The following MAML2 variants were observed in gnomAD, a reference collection of about 807,000 sequenced individuals.
The protein encoded by MAML2 is mastermind-like protein 2.
In MAML2, 22 loss-of-function variants were observed where a neutral mutation model predicts 96.1. The observed-to-expected ratio is 0.23, with a 90% CI of 0.16 to 0.33. The LOEUF is 0.33. Ranked by LOEUF, MAML2 falls within the 10% of genes least tolerant of loss-of-function variation. MAML2 has a pLI of 1.00. For missense variants in MAML2, 1,367 were observed against 1,392.4 expected (o/e 0.98, Z 0.29); for synonymous variants, 561 against 521.3 (o/e 1.08, Z -1.04).
rs1864021342 is a variant in MAML2, at chr11:96,342,972, TC to T, written c.-1078del. 2.6e-6 allele frequency: 1 copy of T among 386,558 alleles called. No homozygotes were observed. Among genetic ancestry groups the T allele is most frequent in the South Asian group, 1.4e-4 (1 of 6,910 alleles). 23.9% of individuals were successfully genotyped at this position (386,558 alleles called of 1,614,324 possible). ...TTTCTGTCCACTTTTGTACATTCCA[TC>T]CCCGGCCAGTGGATCTGAGGGTCTG... On this transcript the variant is annotated 5_prime_UTR_variant, in exon 1 of 5. Transcript: ENST00000524717.
At position 96,342,186 on chromosome 11, in the gene MAML2, T is replaced by C. The variant is rs1183587624; in HGVS notation, c.-291A>G. Reference sequence around the variant, plus strand: ...ACAGCTCTGGAGAAGTTGGACAGAGTTGGTGGATTTTTTTTCCTCCACCAA... The same window carrying C: ...ACAGCTCTGGAGAAGTTGGACAGAGCTGGTGGATTTTTTTTCCTCCACCAA... On this transcript the variant is annotated 5_prime_UTR_variant, in exon 1 of 5. Coordinates refer to ENST00000524717, the MANE Select transcript of MAML2 (RefSeq NM_032427.4). The C allele has an allele frequency of 2.1e-6, 1 of 476,200 alleles. No individual in the cohort carries two copies. The highest frequency in any genetic ancestry group is 2.0e-5 in the African/African-American group (1 of 50,938). The allele number at this position is 476,200 out of a possible 1,614,324, so 29.5% of individuals were successfully genotyped here. A position where few individuals can be genotyped will look rare whatever the true frequency, so the allele number is the denominator to read the frequency against.
chr11:96,015,585 G>A (rs866557786), intron 2 of MAML2, among the ~76,000 whole-genome samples: 714 of 10,352 alleles, frequency 0.069, 1 homozygote, highest in African/African-American at 0.12. Flanking sequence ...AAAAAAAAAA[G>A]GGGGGGGGGG....
chr11:96,075,734 T>C (rs1009066325), intron 2 of MAML2, among the ~76,000 whole-genome samples: 1 of 152,208 alleles, frequency 6.6e-6, no homozygotes, highest in African/African-American at 2.4e-5. Context: ...GACTGATGAA[T>C]AGGAGTTTCC....
At chr11:96,046,270 G>C (rs1424419355) in intron 2 of MAML2, among the ~76,000 whole-genome samples, 3 of 152,062 alleles carry the variant, frequency 2.0e-5, no homozygotes, top group African/African-American at 4.8e-5. Flanking sequence ...TGAATTGCAA[G>C]AATGTGTTGT....
intron 3 of MAML2, among the ~76,000 whole-genome samples, chr11:95,986,041 T>A (rs78047851): frequency 1.3e-5 from 2 of 152,200 alleles, no homozygotes; most frequent in Non-Finnish European, 2.9e-5. Flanking sequence ...TCTTGTTAAA[T>A]GAGTGATAGC....
chr11:95,998,125 T>TGTCA lies in MAML2; in HGVS notation c.2140-6403_2140-6402insTGAC, dbSNP rs1361519190. On this transcript the variant is annotated intron_variant, in intron 2 of 4. Transcript: ENST00000524717. ...CCATTTATCCACTTTTCTATCTATC[T>TGTCA]GTCTGTCTGTCTGTCAGTCTGTCTG... Among the ~76,000 whole-genome samples the TGTCA allele has an allele frequency of 2.3e-4, 29 of 125,698 alleles. No homozygotes were observed. The East Asian group carries it at 4.2e-3, about 18-fold the overall frequency. The allele number at this position is 125,698 out of a possible 152,430, so 82.5% of individuals were successfully genotyped here.
chr11:96,034,243 A>G (rs1858663657), intron 2 of MAML2, among the ~76,000 whole-genome samples: 2 of 152,222 alleles, frequency 1.3e-5, no homozygotes, highest in African/African-American at 4.8e-5. Flanking sequence ...ATAAAGATAT[A>G]TAATAACATA....
At chr11:96,322,607 G>T (rs887778456) in intron 1 of MAML2, among the ~76,000 whole-genome samples, 2 of 152,162 alleles carry the variant, frequency 1.3e-5, no homozygotes, top group Admixed American at 1.3e-4. Flanking sequence ...CAGGAGAATG[G>T]CGTGAACCCG....
chr11:96,161,237 G>A (rs1379888052), intron 1 of MAML2, among the ~76,000 whole-genome samples: 2 of 152,104 alleles, frequency 1.3e-5, no homozygotes, highest in Non-Finnish European at 2.9e-5. Flanking sequence ...GGAATGTGGT[G>A]GGGAAGGCAA....
intron 1 of MAML2, among the ~76,000 whole-genome samples, chr11:96,339,005 G>A (rs1863954537): frequency 6.6e-6 from 1 of 152,204 alleles, no homozygotes; most frequent in Non-Finnish European, 1.5e-5. Context: ...GTACCGTGCT[G>A]AGTAACAACG....
chr11:96,011,929 A>T (rs12364462), intron 2 of MAML2, among the ~76,000 whole-genome samples: 41,654 of 152,120 alleles, frequency 0.27, 5,939 homozygotes, highest in South Asian at 0.42. Flanking sequence ...TAAAATTTTG[A>T]TTCTTGAATA....
intron 2 of MAML2, among the ~76,000 whole-genome samples, chr11:96,005,531 A>G (rs569804985): frequency 6.6e-6 from 1 of 152,364 alleles, no homozygotes; most frequent in Non-Finnish European, 1.5e-5. Context: ...AATACAAACT[A>G]TCAACAAGAG....
chr11:96,005,687 G>A (rs1218745617), intron 2 of MAML2, among the ~76,000 whole-genome samples: 1 of 152,154 alleles, frequency 6.6e-6, no homozygotes, highest in Non-Finnish European at 1.5e-5. Context: ...AAATGTATTA[G>A]GCTGAATTCT....
chr11:96,327,803 A>T (rs1863805236), intron 1 of MAML2, among the ~76,000 whole-genome samples: 2 of 152,132 alleles, frequency 1.3e-5, no homozygotes, highest in South Asian at 4.1e-4. Context: ...CATATATATT[A>T]AAAATAATCA....
intron 1 of MAML2, among the ~76,000 whole-genome samples, chr11:96,213,168 G>A (rs182723755): frequency 5.6e-4 from 86 of 152,232 alleles, no homozygotes; most frequent in African/African-American, 1.9e-3. Context: ...TTGAATTTGG[G>A]GCTTTCTGAC....
intron 1 of MAML2, among the ~76,000 whole-genome samples, chr11:96,319,496 C>G (rs1473708520): frequency 6.6e-6 from 1 of 152,202 alleles, no homozygotes; most frequent in Non-Finnish European, 1.5e-5. Context: ...ATCTTCTGAA[C>G]AAAAAGTCAT....
rs138077050 is a variant in MAML2, at chr11:96,108,602, G to A, written c.514-15085C>T. On this transcript the variant is annotated intron_variant, in intron 1 of 4. Transcript: ENST00000524717. ...TAATATAAAGATTAAATAAATACAC[G>A]TAGACTGCTTAAAGCAGTTTCTGAC... 1.2e-4 allele frequency among the ~76,000 whole-genome samples: 19 copies of A among 152,194 alleles called. No individual in the cohort carries two copies. The South Asian group carries it at 1.7e-3, about 13-fold the overall frequency.
chr11:96,174,138 G>A lies in MAML2; in HGVS notation c.514-80621C>T, dbSNP rs74347252. Among the ~76,000 whole-genome samples the A allele has an allele frequency of 7.2e-5, 11 of 152,278 alleles. No individual in the cohort carries two copies. The East Asian group carries it at 1.2e-3, about 16-fold the overall frequency. On this transcript the variant is annotated intron_variant, in intron 1 of 4. Transcript: ENST00000524717. The stretch of plus-strand genomic sequence containing the variant: ...ATGGCATGAGGGGCAGGTCAAATTC[G>A]CCTCTCCTTTCCTTCATACCCTAGA...
At chr11:96,103,762 C>T (rs1380412361) in intron 1 of MAML2, among the ~76,000 whole-genome samples, 1 of 152,186 alleles carries the variant, frequency 6.6e-6, no homozygotes, top group African/African-American at 2.4e-5. Context: ...TCTCCATCTA[C>T]ATTCAGTGAC....
Sources: gnomAD v4.1 joint callset for allele counts (sites outside exome capture counted in the v4.1 genomes callset) on GRCh38, gnomAD v4.1.1 for gene constraint, MANE v1.5 for transcripts, NCBI Gene and HGNC (gene_info 2026-07-23, HGNC 2026-07-21) for gene names.